ZNF254: variants seen among roughly 807,000 people sequenced by gnomAD.
ZNF254 encodes the protein CTD-2017D11.1.
In ZNF254, 10 loss-of-function variants were observed where a neutral mutation model predicts 12.4. The observed-to-expected ratio is 0.80, with a 90% CI of 0.50 to 1.36. The LOEUF (loss-of-function observed/expected upper bound fraction) is 1.36, where lower values mean the gene tolerates loss of function less well. ZNF254 is among the 40% of genes most tolerant of loss of function. The pLI, the probability that ZNF254 is intolerant of heterozygous loss-of-function variation, is 0.00. For synonymous variants in ZNF254, 305 were observed against 253.4 expected, an observed-to-expected ratio of 1.20 and a Z score of -1.93; for missense variants, 996 against 763.9, an observed-to-expected ratio of 1.30 and a Z score of -3.58.
intron 2 of ZNF254, among the ~76,000 whole-genome samples, chr19:24,081,754 T>C (rs754189747): frequency 2.0e-5 from 3 of 152,196 alleles, no homozygotes; most frequent in Non-Finnish European, 4.4e-5. Flanking sequence ...TTAGTATTCA[T>C]TGACACCTTT....
intron 2 of ZNF254, among the ~76,000 whole-genome samples, chr19:24,051,244 G>A (rs567932356): frequency 6.6e-5 from 10 of 152,204 alleles, no homozygotes; most frequent in Admixed American, 3.9e-4. Flanking sequence ...TGCAACTTCC[G>A]CCTCCTGGGT....
chr19:24,126,223 A>C, intron 3 of ZNF254, 31 bp from the exon 4 acceptor site: 1 of 1,355,508 alleles, frequency 7.4e-7, no homozygotes, highest in South Asian at 2.2e-5. Flanking sequence ...TAGTAAGTGG[A>C]GTAATTTATT....
upstream of ZNF254, among the ~76,000 whole-genome samples, chr19:24,085,427 A>ATATATATATATATATATAT (rs1369362234): frequency 0.015 from 621 of 42,296 alleles, 52 homozygotes; most frequent in East Asian, 0.043. Context: ...TATATATATA[A>ATATATATATATATATATAT]AAACTAAGAT....
intron 1 of ZNF254, among the ~76,000 whole-genome samples, chr19:24,038,299 C>T (rs1970038618): frequency 6.6e-6 from 1 of 152,108 alleles, no homozygotes; most frequent in African/African-American, 2.4e-5. Context: ...GTTTATTTTT[C>T]CTTTAATTAT....
chr19:24,106,520 A>C (rs1255121517), intron 2 of ZNF254, 28 bp from the exon 3 acceptor site: 1 of 1,539,914 alleles, frequency 6.5e-7, no homozygotes, highest in African/African-American at 1.4e-5. Context: ...TATAAGCAAG[A>C]TTCATTTAGT....
intron 2 of ZNF254, among the ~76,000 whole-genome samples, chr19:24,063,665 G>A (rs1163406929): frequency 6.6e-6 from 1 of 152,104 alleles, no homozygotes; most frequent in African/African-American, 2.4e-5. Flanking sequence ...TAATCACAGG[G>A]GGTACTGGAA....
chr19:24,124,772 T>C (rs887867036), intron 3 of ZNF254, among the ~76,000 whole-genome samples: 1 of 151,528 alleles, frequency 6.6e-6, no homozygotes, highest in Admixed American at 6.6e-5. Flanking sequence ...TTTTTCTTTT[T>C]CTTTTTTTTT....
chr19:24,049,827 A>T (rs570679541), intron 2 of ZNF254, among the ~76,000 whole-genome samples: 142 of 152,052 alleles, frequency 9.3e-4, no homozygotes, highest in African/African-American at 3.3e-3. Context: ...ATATCCCTGC[A>T]TCCATCACAC....
chr19:24,096,059 CTTTTTT>C, intron 1 of ZNF254, among the ~76,000 whole-genome samples: 1 of 121,636 alleles, frequency 8.2e-6, no homozygotes, highest in East Asian at 2.4e-4. Context: ...TTTTTTAGTT[CTTTTTT>C]TTTTTTTTTT....
upstream of ZNF254, among the ~76,000 whole-genome samples, chr19:24,085,408 G>GTATATATATATATATATATATA (rs377541868): frequency 0.11 from 3,488 of 32,630 alleles, 570 homozygotes; most frequent in Middle Eastern, 0.29. Flanking sequence ...TTTGTTAAGG[G>GTATATATATATATATATATATA]TATATATATA....
intron 1 of ZNF254, among the ~76,000 whole-genome samples, chr19:24,040,290 G>A (rs1257848884): frequency 6.6e-6 from 1 of 152,132 alleles, no homozygotes; most frequent in Non-Finnish European, 1.5e-5. Context: ...CTTCAGAGCT[G>A]GAGCTCAGAA....
intron 3 of ZNF254, among the ~76,000 whole-genome samples, chr19:24,125,950 G>A (rs1974804800): frequency 6.6e-6 from 1 of 152,230 alleles, no homozygotes; most frequent in African/African-American, 2.4e-5. Context: ...CTATGGTATA[G>A]TGGGAAACAG....
Position 24,128,326 on chromosome 19 carries a change from G to C in ZNF254, c.*346G>C. ...CAAAGTAAAAAATCCATTAACACCT[G>C]CTCACATCTTACTCAAAATTGTAGA... On this transcript the variant is annotated 3_prime_UTR_variant, in exon 4 of 4. Transcript: ENST00000357002. 5.0e-6 allele frequency: 1 copy of C among 201,278 alleles called. No homozygotes were observed. The highest frequency in any genetic ancestry group is 9.9e-6 in the Non-Finnish European group (1 of 101,452). 12.5% of individuals were successfully genotyped at this position (201,278 alleles called of 1,614,324 possible).
At chr19:24,071,833 T>G (rs1971492353) in intron 2 of ZNF254, among the ~76,000 whole-genome samples, 1 of 152,096 alleles carries the variant, frequency 6.6e-6, no homozygotes, top group Non-Finnish European at 1.5e-5. Flanking sequence ...ATCACTTAGG[T>G]GATGAACAAA....
chr19:24,092,291 C>T (rs575682603), intron 1 of ZNF254, among the ~76,000 whole-genome samples: 20 of 151,874 alleles, frequency 1.3e-4, no homozygotes, highest in South Asian at 4.2e-4. Context: ...TTCAGCCTCT[C>T]GAATAGCTGG....
At chr19:24,040,698 T>C (rs934625907) in intron 1 of ZNF254, among the ~76,000 whole-genome samples, 3 of 152,204 alleles carry the variant, frequency 2.0e-5, no homozygotes, top group Non-Finnish European at 1.5e-5. Flanking sequence ...GGTGAGCACA[T>C]AGTACAAGCT....
chr19:24,042,000 G>C (rs534206194), intron 1 of ZNF254, among the ~76,000 whole-genome samples: 1 of 137,916 alleles, frequency 7.3e-6, no homozygotes, highest in East Asian at 2.1e-4. Context: ...TGCACCAGTC[G>C]ACACTCTGTA....
intron 2 of ZNF254, among the ~76,000 whole-genome samples, chr19:24,049,838 A>G (rs1970579718): frequency 6.6e-6 from 1 of 151,904 alleles, no homozygotes; most frequent in Non-Finnish European, 1.5e-5. Flanking sequence ...TCCATCACAC[A>G]GGTAATGCAG....
chr19:24,057,548 C>T (rs1222847816), intron 2 of ZNF254, among the ~76,000 whole-genome samples: 2 of 152,198 alleles, frequency 1.3e-5, no homozygotes, highest in Non-Finnish European at 2.9e-5. Context: ...TCTAACTAGG[C>T]TCATTGTACA....
Sources: allele counts gnomAD v4.1 joint callset (sites outside exome capture counted in the v4.1 genomes callset), GRCh38; gene constraint gnomAD v4.1.1; transcripts MANE v1.5; gene names NCBI Gene and HGNC (gene_info 2026-07-23, HGNC 2026-07-21).